SPAG16: variants seen among roughly 807,000 people sequenced by gnomAD.
The protein encoded by SPAG16 is sperm-associated antigen 16 protein.
SPAG16 carries 86 observed loss-of-function variants against 80.4 expected under a neutral mutation model. The ratio of observed to expected loss-of-function variants is 1.07; its 90% CI spans 0.90 to 1.28. SPAG16 has a LOEUF of 1.28. SPAG16 is among the 50% of genes most tolerant of loss of function. The pLI, the probability that SPAG16 is intolerant of heterozygous loss-of-function variation, is 0.00. For missense variants in SPAG16, 870 were observed against 765.3 expected, an observed-to-expected ratio of 1.14 and a Z score of -1.61; for synonymous variants, 294 against 265.9, an observed-to-expected ratio of 1.11 and a Z score of -1.03.
rs114288318 is a variant in SPAG16, at chr2:214,317,245, G to T, written c.1721-92895G>T. ...ACACAGAGACTTTGTGTCAACATAAGGCCAAGAATTTAAGTCTTCTGACTT... is the reference window on the plus strand; with the variant it reads ...ACACAGAGACTTTGTGTCAACATAATGCCAAGAATTTAAGTCTTCTGACTT... On this transcript the variant is annotated intron_variant, in intron 15 of 15. Transcript: ENST00000331683. Among the ~76,000 whole-genome samples the T allele has an allele frequency of 4.5e-3, 680 of 152,268 alleles. 4 individuals are homozygous for T. Among genetic ancestry groups the T allele is most frequent in the African/African-American group, 0.016 (648 of 41,534 alleles).
At chr2:214,172,642 T>C (rs967768793) in intron 15 of SPAG16, among the ~76,000 whole-genome samples, 1 of 152,028 alleles carries the variant, frequency 6.6e-6, no homozygotes, top group Non-Finnish European at 1.5e-5. Flanking sequence ...GGTCAAATGG[T>C]ATTTCTAGTT....
At chr2:213,296,532 T>C (rs890701136) in intron 2 of SPAG16, among the ~76,000 whole-genome samples, 1 of 152,204 alleles carries the variant, frequency 6.6e-6, no homozygotes, top group Non-Finnish European at 1.5e-5. Context: ...GTGGTTCCTA[T>C]CTCAAAGCTT....
At chr2:214,217,143 A>T (rs2058451558) in intron 15 of SPAG16, among the ~76,000 whole-genome samples, 1 of 152,252 alleles carries the variant, frequency 6.6e-6, no homozygotes, top group Non-Finnish European at 1.5e-5. Flanking sequence ...TTAAAAATTC[A>T]AAAAGGTTAA....
At chr2:213,480,047 A>C (rs914602271) in intron 9 of SPAG16, among the ~76,000 whole-genome samples, 2 of 152,228 alleles carry the variant, frequency 1.3e-5, no homozygotes, top group African/African-American at 2.4e-5. Context: ...CTTTACTTAA[A>C]ATTCAAAGAT....
chr2:214,103,111 C>T (rs925171644), intron 13 of SPAG16, among the ~76,000 whole-genome samples: 2 of 152,128 alleles, frequency 1.3e-5, no homozygotes, highest in African/African-American at 4.8e-5. Context: ...ATGTGCCCCC[C>T]AGAATGTCAT....
chr2:214,057,880 C>T (rs574887393), intron 13 of SPAG16, among the ~76,000 whole-genome samples: 1 of 152,166 alleles, frequency 6.6e-6, no homozygotes, highest in South Asian at 2.1e-4. Context: ...TTTCCTTAAA[C>T]TTCATGAACC....
intron 9 of SPAG16, among the ~76,000 whole-genome samples, chr2:213,448,773 A>G (rs1488535398): frequency 6.6e-6 from 1 of 152,182 alleles, no homozygotes; most frequent in African/African-American, 2.4e-5. Flanking sequence ...TGTTATCTTC[A>G]TAAGCTGAGG....
intron 10 of SPAG16, among the ~76,000 whole-genome samples, chr2:213,548,589 T>G (rs1021651666): frequency 2.0e-5 from 3 of 152,204 alleles, no homozygotes; most frequent in African/African-American, 7.2e-5. Flanking sequence ...AGTTTTTAGT[T>G]TCAGTTATCT....
intron 11 of SPAG16, among the ~76,000 whole-genome samples, chr2:213,891,846 C>G (rs947295970): frequency 6.6e-6 from 1 of 152,110 alleles, no homozygotes; most frequent in African/African-American, 2.4e-5. Context: ...AAAAATTTTT[C>G]CCAATTCACT....
intron 14 of SPAG16, among the ~76,000 whole-genome samples, chr2:214,144,771 G>C (rs920652625): frequency 6.6e-6 from 1 of 151,958 alleles, no homozygotes; most frequent in African/African-American, 2.4e-5. Context: ...AAAGAAAAAG[G>C]TATTTATATA....
At chr2:213,372,616 C>T (rs957190314) in intron 8 of SPAG16, among the ~76,000 whole-genome samples, 2 of 152,046 alleles carry the variant, frequency 1.3e-5, no homozygotes, top group African/African-American at 4.8e-5. Flanking sequence ...TCTTATTTAA[C>T]TCTATTTCTT....
chr2:214,234,319 T>C (rs1688925235), intron 15 of SPAG16, among the ~76,000 whole-genome samples: 1 of 152,208 alleles, frequency 6.6e-6, no homozygotes, highest in Non-Finnish European at 1.5e-5. Context: ...TCCATGTCTT[T>C]GCTATTGTGA....
chr2:214,248,213 T>G (rs546758090), intron 15 of SPAG16, among the ~76,000 whole-genome samples: 6 of 151,512 alleles, frequency 4.0e-5, no homozygotes, highest in Non-Finnish European at 7.4e-5. Context: ...GTGCTGGAAC[T>G]AAGAGGTTAG....
At chr2:213,691,330 AT>A in intron 10 of SPAG16, among the ~76,000 whole-genome samples, 1 of 152,284 alleles carries the variant, frequency 6.6e-6, no homozygotes, top group East Asian at 1.9e-4. Context: ...CAACTTGCAA[AT>A]TCTGACTGGG....
intron 10 of SPAG16, among the ~76,000 whole-genome samples, chr2:213,756,978 A>T (rs1022659240): frequency 4.6e-5 from 7 of 152,210 alleles, no homozygotes; most frequent in African/African-American, 1.7e-4. Flanking sequence ...GAATGTAAAA[A>T]ATCCTAAATA....
At chr2:213,394,691 A>G (rs2125311007) in intron 9 of SPAG16, among the ~76,000 whole-genome samples, 1 of 152,246 alleles carries the variant, frequency 6.6e-6, no homozygotes, top group Admixed American at 6.5e-5. Flanking sequence ...GGAATTATAT[A>G]ATATTTAACT....
At chr2:213,822,947 G>GTATCACATTT (rs2073041982) in intron 10 of SPAG16, among the ~76,000 whole-genome samples, 2 of 152,286 alleles carry the variant, frequency 1.3e-5, no homozygotes, top group East Asian at 3.9e-4. Context: ...TGGTGTATAA[G>GTATCACATTT]TATCACATTT....
At chr2:213,836,246 T>G (rs2074073316) in intron 10 of SPAG16, among the ~76,000 whole-genome samples, 1 of 139,392 alleles carries the variant, frequency 7.2e-6, no homozygotes, top group Admixed American at 7.1e-5. Context: ...TATAATTACT[T>G]CTTATAATTT....
chr2:213,407,069 G>A (rs1397437170), intron 9 of SPAG16, among the ~76,000 whole-genome samples: 1 of 152,164 alleles, frequency 6.6e-6, no homozygotes, highest in Non-Finnish European at 1.5e-5. Context: ...GAGTACCTTG[G>A]TGGTCAAATT....
Sources: gnomAD v4.1 joint callset for allele counts (sites outside exome capture counted in the v4.1 genomes callset) on GRCh38, gnomAD v4.1.1 for gene constraint, MANE v1.5 for transcripts, NCBI Gene and HGNC (gene_info 2026-07-23, HGNC 2026-07-21) for gene names.